RBFOX1: variants seen among roughly 807,000 people sequenced by gnomAD.
RBFOX1 encodes RNA binding fox-1 homolog 1.
A neutral mutation model predicts 57.7 loss-of-function variants in RBFOX1; 8 were observed. That is an observed-to-expected ratio of 0.14 (90% CI 0.08 to 0.25). RBFOX1 has a LOEUF of 0.25. RBFOX1 is among the 10% of genes least tolerant of loss of function. The pLI, the probability that RBFOX1 is intolerant of heterozygous loss-of-function variation, is 1.00. For missense variants in RBFOX1, 611 were observed against 548.5 expected, an observed-to-expected ratio of 1.11 and a Z score of -1.14; for synonymous variants, 326 against 222.4, an observed-to-expected ratio of 1.47 and a Z score of -4.15.
intron 1 of RBFOX1, among the ~76,000 whole-genome samples, chr16:6,239,905 C>G (rs1004062177): frequency 1.3e-5 from 2 of 152,104 alleles, no homozygotes; most frequent in Non-Finnish European, 2.9e-5. Flanking sequence ...TAGTTGTCCC[C>G]GCCCATATCT....
intron 4 of RBFOX1, among the ~76,000 whole-genome samples, chr16:7,105,462 T>A (rs2063412014): frequency 6.6e-6 from 1 of 152,118 alleles, no homozygotes; most frequent in African/African-American, 2.4e-5. Context: ...ATTTGTAGTC[T>A]TTTATCCCTT....
intron 3 of RBFOX1, among the ~76,000 whole-genome samples, chr16:7,015,618 T>C (rs1346373978): frequency 6.6e-6 from 1 of 152,198 alleles, no homozygotes; most frequent in African/African-American, 2.4e-5. Flanking sequence ...TAGACACCAT[T>C]TGTGGTTCAT....
intron 1 of RBFOX1, among the ~76,000 whole-genome samples, chr16:6,148,682 T>C (rs1450838061): frequency 6.6e-6 from 1 of 152,202 alleles, no homozygotes; most frequent in Non-Finnish European, 1.5e-5. Context: ...ACAGTTAGCA[T>C]GGGAGACCCA....
chr16:6,902,692 G>A (rs374546428), intron 3 of RBFOX1, among the ~76,000 whole-genome samples: 10 of 152,098 alleles, frequency 6.6e-5, no homozygotes, highest in African/African-American at 1.9e-4. Context: ...ACTGCACTCC[G>A]GTCAGGGTGA....
rs1229800644 is a variant in RBFOX1, at chr16:5,907,765, T to TCA, written c.351+40430_351+40431insCA. On this transcript the variant is annotated intron_variant, in intron 4 of 19. Coordinates refer to the RBFOX1 transcript ENST00000641259. ...ATCATCATCATCATCATCATCATCA[T>TCA]TTGAGATGGCATCTTTTCTCTATTG... is the stretch of plus-strand genomic sequence containing the variant. Among the ~76,000 whole-genome samples the TCA allele has an allele frequency of 2.4e-3, 321 of 135,476 alleles. 4 individuals carry two copies. Among genetic ancestry groups the TCA allele is most frequent in the African/African-American group, 0.011 (301 of 28,064 alleles). 88.9% of individuals were successfully genotyped at this position (135,476 alleles called of 152,430 possible). A position where few individuals can be genotyped will look rare whatever the true frequency, so the allele number is the denominator to read the frequency against.
chr16:6,742,250 C>G (rs773572386), intron 3 of RBFOX1, among the ~76,000 whole-genome samples: 2 of 152,138 alleles, frequency 1.3e-5, no homozygotes, highest in African/African-American at 2.4e-5. Flanking sequence ...GCATTACTAG[C>G]TATTAGGGAA....
At chr16:5,422,964 GGAGGGA>G (rs1281107304) in intron 1 of RBFOX1, among the ~76,000 whole-genome samples, 1 of 128,346 alleles carries the variant, frequency 7.8e-6, no homozygotes, top group Non-Finnish European at 1.7e-5. Flanking sequence ...AAGAGGAGGA[GGAGGGA>G]GAGGGAGGAG....
chr16:5,471,397 G>C (rs997774340), intron 2 of RBFOX1, among the ~76,000 whole-genome samples: 9 of 152,178 alleles, frequency 5.9e-5, no homozygotes, highest in Middle Eastern at 3.2e-3. Flanking sequence ...CTGGGTTGAG[G>C]TAGGAATCTG....
chr16:5,927,376 A>C (rs1324337842), intron 4 of RBFOX1, among the ~76,000 whole-genome samples: 1 of 152,250 alleles, frequency 6.6e-6, no homozygotes, highest in African/African-American at 2.4e-5. Context: ...TCTAGGCACC[A>C]ATGGCTTTTA....
chr16:7,414,957 G>T (rs554193460), intron 4 of RBFOX1, among the ~76,000 whole-genome samples: 9 of 152,292 alleles, frequency 5.9e-5, no homozygotes, highest in Non-Finnish European at 1.0e-4. Context: ...GCAAGGGAAG[G>T]TGTTTCATCC....
intron 1 of RBFOX1, among the ~76,000 whole-genome samples, chr16:5,407,142 G>A (rs1304530796): frequency 1.3e-5 from 2 of 152,282 alleles, no homozygotes; most frequent in Non-Finnish European, 2.9e-5. Flanking sequence ...AGGCAAGAGA[G>A]AGACAGAGTG....
chr16:6,966,815 C>T (rs2084314290), intron 3 of RBFOX1, among the ~76,000 whole-genome samples: 1 of 151,126 alleles, frequency 6.6e-6, no homozygotes, highest in South Asian at 2.1e-4. Flanking sequence ...GTCTGTCTGT[C>T]TGTCTATCTA....
At chr16:7,493,671 A>G (rs371099176) in intron 4 of RBFOX1, among the ~76,000 whole-genome samples, 5 of 152,342 alleles carry the variant, frequency 3.3e-5, no homozygotes, top group East Asian at 3.9e-4. Flanking sequence ...AAGGTAAGGA[A>G]TTAAGGTGGT....
chr16:6,197,081 T>G (rs140671194), intron 1 of RBFOX1, among the ~76,000 whole-genome samples: 21 of 152,268 alleles, frequency 1.4e-4, no homozygotes, highest in African/African-American at 4.6e-4. Flanking sequence ...ACCTAGCCAG[T>G]GATTTAAGGA....
chr16:6,125,007 C>T (rs1442758668), intron 1 of RBFOX1, among the ~76,000 whole-genome samples: 1 of 152,136 alleles, frequency 6.6e-6, no homozygotes, highest in Non-Finnish European at 1.5e-5. Context: ...TTGGAAGCCT[C>T]CAACCCAGAG....
At chr16:7,703,380 C>T (rs118025064) in intron 14 of RBFOX1, among the ~76,000 whole-genome samples, 1 of 152,098 alleles carries the variant, frequency 6.6e-6, no homozygotes, top group Non-Finnish European at 1.5e-5. Context: ...GTCTTTGCTA[C>T]CTTCTGAACT....
intron 3 of RBFOX1, among the ~76,000 whole-genome samples, chr16:5,772,959 C>T (rs1461811576): frequency 2.0e-5 from 3 of 152,110 alleles, no homozygotes; most frequent in Admixed American, 2.0e-4. Flanking sequence ...TGCAAAGGTC[C>T]TGGGGCTGTA....
At chr16:7,292,097 T>C (rs1243356471) in intron 4 of RBFOX1, among the ~76,000 whole-genome samples, 4 of 76,522 alleles carry the variant, frequency 5.2e-5, no homozygotes, top group Non-Finnish European at 9.9e-5. Context: ...TAATATATAA[T>C]ATATCATGTA....
At chr16:7,193,470 G>C (rs1005070603) in intron 4 of RBFOX1, among the ~76,000 whole-genome samples, 4 of 152,192 alleles carry the variant, frequency 2.6e-5, no homozygotes, top group South Asian at 2.1e-4. Context: ...TCATGTTTGA[G>C]GTCTTTGTTA....
Sources: allele counts gnomAD v4.1 joint callset (sites outside exome capture counted in the v4.1 genomes callset), GRCh38; gene constraint gnomAD v4.1.1; transcripts MANE v1.5; gene names NCBI Gene and HGNC (gene_info 2026-07-23, HGNC 2026-07-21).